Variants in MTMR9 observed in about 807,000 individuals in gnomAD.
The protein encoded by MTMR9 is myotubularin-related protein 9.
In MTMR9, 39 loss-of-function variants were observed where a neutral mutation model predicts 69.5. That is an observed-to-expected ratio of 0.56 (90% confidence interval 0.43 to 0.73). MTMR9 has a LOEUF of 0.73. Ranked by LOEUF, MTMR9 falls within the 30% of genes least tolerant of loss-of-function variation. The probability of loss-of-function intolerance (pLI) is 0.00; values close to 1 mark genes in which losing one functional copy is unlikely to be tolerated. For synonymous variants in MTMR9, 354 were observed against 240.8 expected (o/e 1.47, Z -4.35); for missense variants, 900 against 671.2 (o/e 1.34, Z -3.77).
In MTMR9 at chr8:11,302,921, A is replaced by G. The variant is rs1240547499; in HGVS notation, c.418-1920A>G. 2.0e-5 allele frequency among the ~76,000 whole-genome samples: 3 copies of G among 152,084 alleles called. No homozygotes were observed. In the East Asian group the frequency reaches 5.8e-4, roughly 29 times the overall value. ...AATATATCTAAGAAAAGATAGTAAG[A>G]CCTTTATTGAGAGAATTATAAAAAT... On this transcript the variant is annotated intron_variant, in intron 3 of 9. Transcript: ENST00000221086.
At chr8:11,301,515 A>G (rs907350357) in intron 3 of MTMR9, among the ~76,000 whole-genome samples, 2 of 152,250 alleles carry the variant, frequency 1.3e-5, no homozygotes, top group Non-Finnish European at 2.9e-5. Flanking sequence ...AAAATGTATT[A>G]TGCAACTAAA....
the MTMR9 span, among the ~76,000 whole-genome samples, chr8:11,336,664 G>C: frequency 1.3e-5 from 2 of 152,126 alleles, no homozygotes; most frequent in African/African-American, 4.8e-5. Flanking sequence ...AAAGTTATTT[G>C]GAATATTTCT....
At chr8:11,309,832 G>A in intron 6 of MTMR9, 144 bp downstream of exon 6, 2 of 782,628 alleles carry the variant, frequency 2.6e-6, no homozygotes, top group Non-Finnish European at 1.9e-6. Context: ...TTATTGATGA[G>A]GTGTGTGCCT....
rs1393453557 is a variant in MTMR9, at chr8:11,315,078, T to C, written c.1113+14T>C. ...GAGTGGCTGCAGGTGAGAAGAGCTG[T>C]TTGATTCACAGAGGAACTGCTTATT... On this transcript the variant is annotated intron_variant, in intron 7 of 9. Transcript: ENST00000221086. 1 of 1,609,724 alleles carries C rather than the reference T, an allele frequency of 6.2e-7. No homozygotes were observed. The highest frequency in any genetic ancestry group is 1.1e-5 in the South Asian group (1 of 90,944).
chr8:11,300,302 G>C, intron 3 of MTMR9, 154 bp downstream of exon 3: 1 of 731,244 alleles, frequency 1.4e-6, no homozygotes, highest in South Asian at 2.0e-5. Flanking sequence ...GCCATGCAGA[G>C]TATGATCTCT....
chr8:11,335,059 T>C, the MTMR9 span, among the ~76,000 whole-genome samples: 2 of 152,298 alleles, frequency 1.3e-5, no homozygotes, highest in Middle Eastern at 6.8e-3. Context: ...TTCAACATTG[T>C]ATGGGAAATT....
intron 3 of MTMR9, among the ~76,000 whole-genome samples, chr8:11,303,348 A>C (rs768422012): frequency 4.0e-5 from 6 of 151,844 alleles, no homozygotes; most frequent in Non-Finnish European, 8.8e-5. Context: ...AATATATCAT[A>C]GTGAAAGTTC....
chr8:11,330,884 C>T (rs183639211), downstream of MTMR9: 13,739 of 968,348 alleles, frequency 0.014, 1,335 homozygotes, highest in African/African-American at 0.21. Flanking sequence ...CCAAATCCCC[C>T]TCTGCGAGAA....
downstream of MTMR9, among the ~76,000 whole-genome samples, chr8:11,329,545 AC>A (rs1471244803): frequency 6.6e-6 from 1 of 152,196 alleles, no homozygotes; most frequent in East Asian, 1.9e-4. Flanking sequence ...CCAGCTCCTA[AC>A]CGCGAGTGAT....
At chr8:11,286,308 A>G (rs1166128722) in intron 1 of MTMR9, among the ~76,000 whole-genome samples, 2 of 151,182 alleles carry the variant, frequency 1.3e-5, no homozygotes, top group Admixed American at 1.3e-4. Context: ...GCCATGGTAG[A>G]TTGATTGATT....
intron 7 of MTMR9, chr8:11,316,207 A>G (rs568019894): frequency 6.6e-6 from 1 of 152,534 alleles, no homozygotes; most frequent in South Asian, 2.1e-4. Flanking sequence ...AGCTGACATT[A>G]TAAAGGTGAT....
chr8:11,305,111 A>G (rs1056131210), intron 4 of MTMR9, 97 bp downstream of exon 4: 8 of 1,201,154 alleles, frequency 6.7e-6, no homozygotes, highest in East Asian at 2.6e-5. Context: ...GTTCACTGAA[A>G]TGATTGTCCA....
chr8:11,307,186 C>G (rs1377744030), intron 5 of MTMR9, among the ~76,000 whole-genome samples: 1 of 152,186 alleles, frequency 6.6e-6, no homozygotes, highest in Admixed American at 6.5e-5. Context: ...ATTCTCCTGT[C>G]TCAGCTTCCC....
chr8:11,338,010 A>G, the MTMR9 span, among the ~76,000 whole-genome samples: 2 of 152,242 alleles, frequency 1.3e-5, no homozygotes, highest in Non-Finnish European at 2.9e-5. Flanking sequence ...GGACTTGGCT[A>G]ATATGTCCAA....
At chr8:11,334,479 T>C in the MTMR9 span, among the ~76,000 whole-genome samples, 1 of 152,144 alleles carries the variant, frequency 6.6e-6, no homozygotes, top group Middle Eastern at 3.2e-3. Flanking sequence ...TTATGTGTAA[T>C]GCTTATGGTA....
At chr8:11,310,804 A>G (rs796269753) in intron 6 of MTMR9, among the ~76,000 whole-genome samples, 36 of 136,844 alleles carry the variant, frequency 2.6e-4, no homozygotes, top group African/African-American at 8.7e-4. Flanking sequence ...TAAACAGTTA[A>G]TCACCACATT....
At chr8:11,290,248 AT>A (rs565251441) in intron 1 of MTMR9, among the ~76,000 whole-genome samples, 111 of 149,326 alleles carry the variant, frequency 7.4e-4, no homozygotes, top group East Asian at 7.0e-3. Flanking sequence ...TATACTTAAA[AT>A]TTTTTTTTTT....
the MTMR9 span, among the ~76,000 whole-genome samples, chr8:11,339,198 A>G: frequency 2.6e-5 from 4 of 152,214 alleles, no homozygotes. Flanking sequence ...GATCTATTAT[A>G]ATCTTAATTA....
At chr8:11,331,446 A>T, downstream of MTMR9, 1 of 1,613,938 alleles carries the variant, frequency 6.2e-7, no homozygotes, top group East Asian at 2.2e-5. Flanking sequence ...CAACGTCCTC[A>T]GCATTGGATG....
Sources: gnomAD v4.1 joint callset for allele counts (sites outside exome capture counted in the v4.1 genomes callset) on GRCh38, gnomAD v4.1.1 for gene constraint, MANE v1.5 for transcripts, NCBI Gene and HGNC (gene_info 2026-07-23, HGNC 2026-07-21) for gene names.